CLIP4: variants seen among roughly 807,000 people sequenced by gnomAD.
The protein encoded by CLIP4 is CAP-Gly domain containing linker protein family member 4, also known as CAP-Gly domain-containing linker protein 4.
In CLIP4, 47 loss-of-function variants were observed where a neutral mutation model predicts 73.1. The ratio of observed to expected loss-of-function variants is 0.64; its 90% CI spans 0.51 to 0.82. The LOEUF (loss-of-function observed/expected upper bound fraction) is 0.82, where lower values mean the gene tolerates loss of function less well. CLIP4 is among the 40% of genes least tolerant of loss of function. The probability of loss-of-function intolerance (pLI) is 0.00; values close to 1 mark genes in which losing one functional copy is unlikely to be tolerated. For missense variants in CLIP4, 874 were observed against 852.9 expected, an observed-to-expected ratio of 1.02 and a Z score of -0.31; for synonymous variants, 306 against 295.4, an observed-to-expected ratio of 1.04 and a Z score of -0.37.
chr2:29,168,430 A>T (rs1466031730), intron 14 of CLIP4, among the ~76,000 whole-genome samples: 2 of 115,986 alleles, frequency 1.7e-5, no homozygotes, highest in Non-Finnish European at 3.7e-5. Flanking sequence ...TAATATTTTT[A>T]TTTATTGTTT....
chr2:29,157,199 T>A lies in CLIP4; in HGVS notation c.1256-5T>A. 4.3e-6 allele frequency: 7 copies of A among 1,613,834 alleles called. No individual in the cohort carries two copies. The highest frequency in any genetic ancestry group is 5.9e-6 in the Non-Finnish European group (7 of 1,179,694). On this transcript the variant is annotated splice_region_variant and splice_polypyrimidine_tract_variant and intron_variant, in intron 10 of 15. Transcript: ENST00000320081. ...ACCGTTTGACACGTTCTTTATCTGT[T>A]ACAGTTGCCCTGCTTGGATCTGTCA... is the stretch of plus-strand genomic sequence containing the variant.
intron 8 of CLIP4, among the ~76,000 whole-genome samples, chr2:29,149,252 G>A (rs1385835408): frequency 6.6e-6 from 1 of 152,166 alleles, no homozygotes; most frequent in East Asian, 1.9e-4. Context: ...ACTATCCTGA[G>A]CTTCCAGTGT....
At chr2:29,133,479 T>A (rs902103188) in intron 4 of CLIP4, among the ~76,000 whole-genome samples, 176 bp from the exon 5 acceptor site, 4 of 152,256 alleles carry the variant, frequency 2.6e-5, no homozygotes, top group Admixed American at 2.6e-4. Flanking sequence ...GCCAAGTGTT[T>A]ATCTGTATCC....
chr2:29,132,453 T>C, intron 4 of CLIP4: 2 of 530,902 alleles, frequency 3.8e-6, no homozygotes, highest in South Asian at 2.8e-5. Context: ...ACCTCTTAAC[T>C]TTTCTGGATC....
At chr2:29,147,098 T>G (rs939794231) in intron 8 of CLIP4, among the ~76,000 whole-genome samples, 7 of 152,184 alleles carry the variant, frequency 4.6e-5, no homozygotes, top group Non-Finnish European at 8.8e-5. Flanking sequence ...CCCCAAATCT[T>G]TACATATTGT....
chr2:29,132,114 T>C (rs1665014122), intron 3 of CLIP4, 38 bp from the exon 4 acceptor site: 1 of 1,484,820 alleles, frequency 6.7e-7, no homozygotes, highest in South Asian at 1.1e-5. Context: ...GGTACCTCAG[T>C]AGTTAGGTTG....
intron 9 of CLIP4, among the ~76,000 whole-genome samples, 153 bp from the exon 10 acceptor site, chr2:29,156,201 A>C (rs1666912212): frequency 6.6e-6 from 1 of 152,252 alleles, no homozygotes; most frequent in Non-Finnish European, 1.5e-5. Context: ...TGCTTATACC[A>C]AAACATGTCC....
chr2:29,147,497 C>T (rs1018895068), intron 8 of CLIP4, among the ~76,000 whole-genome samples: 4 of 151,932 alleles, frequency 2.6e-5, no homozygotes, highest in Admixed American at 6.6e-5. Flanking sequence ...TTTGATAATT[C>T]TTCCTAATCT....
intron 14 of CLIP4, among the ~76,000 whole-genome samples, chr2:29,171,050 C>T (rs1201977731): frequency 6.6e-6 from 1 of 152,074 alleles, no homozygotes; most frequent in East Asian, 1.9e-4. Context: ...TGGTTTTGAT[C>T]TGCTTCTTCA....
At chr2:29,148,903 A>G (rs568515875) in intron 8 of CLIP4, among the ~76,000 whole-genome samples, 2 of 152,300 alleles carry the variant, frequency 1.3e-5, no homozygotes, top group South Asian at 4.1e-4. Context: ...GAGACCTTCT[A>G]TTCTAAACAC....
At chr2:29,123,279 C>G (rs1011444583) in intron 2 of CLIP4, among the ~76,000 whole-genome samples, 3 of 152,188 alleles carry the variant, frequency 2.0e-5, no homozygotes, top group Admixed American at 6.5e-5. Context: ...TGTGGTCAGT[C>G]TCCCCTTGAA....
intron 8 of CLIP4, among the ~76,000 whole-genome samples, chr2:29,150,532 C>T (rs908490918): frequency 2.6e-5 from 4 of 151,748 alleles, no homozygotes; most frequent in Non-Finnish European, 5.9e-5. Context: ...CTTGACTTCT[C>T]TTATAAATGT....
intron 5 of CLIP4, among the ~76,000 whole-genome samples, chr2:29,134,561 G>A (rs1042161051): frequency 1.3e-5 from 2 of 151,512 alleles, no homozygotes; most frequent in African/African-American, 4.8e-5. Flanking sequence ...AGTGATGTTG[G>A]GAAGAAAGCC....
chr2:29,169,460 A>G (rs1667863135), intron 14 of CLIP4, among the ~76,000 whole-genome samples: 1 of 152,090 alleles, frequency 6.6e-6, no homozygotes, highest in African/African-American at 2.4e-5. Context: ...TTCCAATTAC[A>G]TATGACCTCA....
rs72862360 is a variant in CLIP4 at position 29,150,063 on chromosome 2, A to G, written c.1022-2622A>G. On this transcript the variant is annotated intron_variant, in intron 8 of 15. Transcript: ENST00000320081. Reference sequence around the variant, plus strand: ...GCCTGTGTGATCACCATAATAAGTTAAAATGAAATAGCTCTTACATAATAA... The same window carrying G: ...GCCTGTGTGATCACCATAATAAGTTGAAATGAAATAGCTCTTACATAATAA... Among the ~76,000 whole-genome samples the G allele has an allele frequency of 2.2e-3, 332 of 152,324 alleles. 1 individual carries two copies. The highest frequency in any genetic ancestry group is 7.5e-3 in the African/African-American group (311 of 41,568).
At chr2:29,149,409 T>TC (rs1666391158) in intron 8 of CLIP4, among the ~76,000 whole-genome samples, 2 of 112,744 alleles carry the variant, frequency 1.8e-5, no homozygotes, top group African/African-American at 7.1e-5. Flanking sequence ...TTTCTCCTTT[T>TC]CTTTTTTTTT....
At chr2:29,143,561 T>G (rs1221249521) in intron 6 of CLIP4, 148 bp from the exon 7 acceptor site, 1 of 631,102 alleles carries the variant, frequency 1.6e-6, no homozygotes, top group Non-Finnish European at 2.8e-6. Context: ...CCTAGAATGG[T>G]GTCTGCATAT....
chr2:29,164,021 C>T, intron 13 of CLIP4, 67 bp downstream of exon 13: 2 of 1,296,690 alleles, frequency 1.5e-6, no homozygotes, highest in South Asian at 2.8e-5. Flanking sequence ...AATAGAGACA[C>T]TAATTTTATA....
chr2:29,167,458 C>T lies in CLIP4; in HGVS notation c.1659-18C>T. 1.3e-6 allele frequency: 2 copies of T among 1,577,794 alleles called. No individual in the cohort carries two copies. Among genetic ancestry groups the T allele is most frequent in the Non-Finnish European group, 8.6e-7 (1 of 1,160,878 alleles). On this transcript the variant is annotated intron_variant, in intron 13 of 15. Transcript: ENST00000320081. ...AGACCAGCTACTTCTAACGAGATGT[C>T]CTTTGTTTTATTCATAGAGTAACAG...
Sources: allele counts gnomAD v4.1 joint callset (sites outside exome capture counted in the v4.1 genomes callset), GRCh38; gene constraint gnomAD v4.1.1; transcripts MANE v1.5; gene names NCBI Gene and HGNC (gene_info 2026-07-23, HGNC 2026-07-21).